Variants in PTPRN2 observed in about 807,000 individuals in gnomAD.
PTPRN2 encodes receptor-type tyrosine-protein phosphatase N2.
Under a neutral mutation model 118.8 loss-of-function variants are expected in PTPRN2, and 74 were observed. The observed-to-expected ratio is 0.62, with a 90% CI of 0.52 to 0.76. The LOEUF is 0.76. Ranked by LOEUF, PTPRN2 falls within the 30% of genes least tolerant of loss-of-function variation. The pLI is 0.00. For missense variants in PTPRN2, 1,481 were observed against 1,394.4 expected (o/e 1.06, Z -0.99); for synonymous variants, 641 against 608.0 (o/e 1.05, Z -0.80).
At chr7:158,199,362 C>T (rs1826454675) in intron 4 of PTPRN2, among the ~76,000 whole-genome samples, 1 of 152,232 alleles carries the variant, frequency 6.6e-6, no homozygotes, top group Non-Finnish European at 1.5e-5. Context: ...CACACTGCGT[C>T]TCTTTCTGGC....
At chr7:157,852,737 TG>T (rs1172518468) in intron 12 of PTPRN2, among the ~76,000 whole-genome samples, 2 of 151,494 alleles carry the variant, frequency 1.3e-5, no homozygotes, top group Non-Finnish European at 2.9e-5. Context: ...GGTGTGGTGG[TG>T]GGCGCCTGTA....
At chr7:158,502,541 G>T (rs891639593) in intron 1 of PTPRN2, among the ~76,000 whole-genome samples, 1 of 152,144 alleles carries the variant, frequency 6.6e-6, no homozygotes, top group Non-Finnish European at 1.5e-5. Context: ...CTGCTCCTCG[G>T]GACGCCTTCC....
intron 2 of PTPRN2, among the ~76,000 whole-genome samples, chr7:158,446,110 CA>C (rs1817709847): frequency 6.6e-6 from 1 of 152,190 alleles, no homozygotes; most frequent in South Asian, 2.1e-4. Flanking sequence ...CTGCCCCACC[CA>C]GCCCACCAAC....
chr7:157,976,728 A>C (rs1802782682), intron 11 of PTPRN2, among the ~76,000 whole-genome samples: 1 of 151,912 alleles, frequency 6.6e-6, no homozygotes, highest in Non-Finnish European at 1.5e-5. Flanking sequence ...CCTAGAGCAG[A>C]TAACTAAGGT....
intron 15 of PTPRN2, among the ~76,000 whole-genome samples, chr7:157,606,032 G>C (rs1801982204): frequency 6.6e-6 from 1 of 152,002 alleles, no homozygotes; most frequent in South Asian, 2.1e-4. Context: ...CTGCAGGCCA[G>C]AGCTGAGCTG....
rs929190777 is a variant in PTPRN2 at position 157,986,400 on chromosome 7, C to T, written c.1724-87663G>A. Among the ~76,000 whole-genome samples the T allele has an allele frequency of 2.6e-5, 4 of 152,144 alleles. No homozygotes were observed. Among genetic ancestry groups the T allele is most frequent in the Admixed American group, 1.3e-4 (2 of 15,280 alleles). Reference sequence around the variant, plus strand: ...TTCCTTGTAGACACGCAGAAACTGACGCCCAGAGAGGCAGGGCACCCCGTG... The same window carrying T: ...TTCCTTGTAGACACGCAGAAACTGATGCCCAGAGAGGCAGGGCACCCCGTG... On this transcript the variant is annotated intron_variant, in intron 11 of 22. Transcript: ENST00000389418. The surrounding 1 kb of genome is among the most constrained non-coding windows in gnomAD (Gnocchi z 4.5).
At chr7:158,313,205 T>C (rs998219347) in intron 3 of PTPRN2, among the ~76,000 whole-genome samples, 2 of 152,150 alleles carry the variant, frequency 1.3e-5, no homozygotes, top group African/African-American at 4.8e-5. Flanking sequence ...GAAGCCTGCA[T>C]CCTGGACTAG....
chr7:158,441,882 T>C (rs149779197), intron 2 of PTPRN2, among the ~76,000 whole-genome samples: 3 of 106,590 alleles, frequency 2.8e-5, no homozygotes, highest in Admixed American at 1.8e-4. Flanking sequence ...GTGGTGGTGA[T>C]AGTGATAGTG....
chr7:157,873,723 G>C (rs991477328), intron 12 of PTPRN2, among the ~76,000 whole-genome samples: 9 of 152,048 alleles, frequency 5.9e-5, no homozygotes, highest in Non-Finnish European at 1.3e-4. Flanking sequence ...TCCTCAAGCA[G>C]AATTTCCTGC....
intron 12 of PTPRN2, among the ~76,000 whole-genome samples, chr7:157,773,208 C>T (rs183060504): frequency 6.6e-6 from 1 of 152,280 alleles, no homozygotes; most frequent in Non-Finnish European, 1.5e-5. Flanking sequence ...CTTTTCTGAC[C>T]CCTCTCTCTT....
At chr7:157,805,358 G>T (rs1237930910) in intron 12 of PTPRN2, among the ~76,000 whole-genome samples, 1 of 151,554 alleles carries the variant, frequency 6.6e-6, no homozygotes, top group Non-Finnish European at 1.5e-5. Flanking sequence ...TGAAGAAAAG[G>T]GAAAAGATCG....
rs1175967241 is a variant in PTPRN2, at chr7:157,764,908, CATCCATCCATTG to C, written c.1789-81983_1789-81972del. ...TCATCCACCCATCCATCTACCCATC[CATCCATCCATTG>C]ATCCATCCATATCCATCCATCCATA... is the stretch of plus-strand genomic sequence containing the variant. On this transcript the variant is annotated intron_variant, in intron 12 of 22. Transcript: ENST00000389418. The surrounding 1 kb of genome is among the most constrained non-coding windows in gnomAD (Gnocchi z 4.5). Among the ~76,000 whole-genome samples the C allele has an allele frequency of 2.0e-5, 3 of 151,078 alleles. No individual in the cohort carries two copies. The highest frequency in any genetic ancestry group is 4.4e-5 in the Non-Finnish European group (3 of 67,756).
intron 3 of PTPRN2, among the ~76,000 whole-genome samples, chr7:158,244,431 G>A (rs1796068947): frequency 6.6e-6 from 1 of 152,230 alleles, no homozygotes; most frequent in African/African-American, 2.4e-5. Flanking sequence ...ACAGTGAGCT[G>A]TGTGTTTTGC....
intron 2 of PTPRN2, among the ~76,000 whole-genome samples, chr7:158,482,549 G>A (rs1453528359): frequency 2.0e-5 from 3 of 152,196 alleles, no homozygotes; most frequent in African/African-American, 4.8e-5. Flanking sequence ...ATGAAGGCCT[G>A]TACATTGTTT....
intron 2 of PTPRN2, among the ~76,000 whole-genome samples, chr7:158,443,170 G>A (rs977669501): frequency 3.1e-4 from 47 of 152,176 alleles, no homozygotes; most frequent in African/African-American, 1.1e-3. Context: ...GTCACTGGGC[G>A]AGCGGGTCTT....
At position 157,595,222 on chromosome 7, in the gene PTPRN2, A is replaced by T. The variant is rs1315098826; in HGVS notation, c.2496+16T>A. ...CTTCTTTTCAGAAAGAGAGATTTTA[A>T]TTTAAAAATGTTCACCTGCCAAAAG... On this transcript the variant is annotated intron_variant, in intron 17 of 22. Transcript: ENST00000389418. 3 of 1,612,486 alleles carry T rather than the reference A, an allele frequency of 1.9e-6. No individual in the cohort carries two copies. In the South Asian group the frequency reaches 3.3e-5, roughly 18 times the overall value.
intron 11 of PTPRN2, chr7:158,027,585 T>A (rs904661817): frequency 6.6e-6 from 1 of 152,250 alleles, no homozygotes; most frequent in African/African-American, 2.4e-5. Context: ...CCTGACACGA[T>A]GCTCCTTTTG....
At chr7:158,115,135 A>T (rs2335843) in intron 9 of PTPRN2, among the ~76,000 whole-genome samples, 146,960 of 152,186 alleles carry the variant, frequency 0.97, 71,008 homozygotes, top group Middle Eastern at 0.98. Context: ...CCTGTGAATA[A>T]CCACTGCATC....
chr7:158,171,262 TACACACATATATAC>T lies in PTPRN2; in HGVS notation c.550-3985_550-3972del, dbSNP rs1226449531. ...ATACACATATATACACACATATATA[TACACACATATATAC>T]ACACATATATATACACACATATATA... On this transcript the variant is annotated intron_variant, in intron 5 of 22. Transcript: ENST00000389418. Among the ~76,000 whole-genome samples the T allele has an allele frequency of 1.7e-3, 162 of 94,988 alleles. 5 individuals are homozygous for T. The highest frequency in any genetic ancestry group is 2.6e-3 in the Non-Finnish European group (128 of 48,994). 62.3% of individuals were successfully genotyped at this position (94,988 alleles called of 152,430 possible). A position where few individuals can be genotyped will look rare whatever the true frequency, so the allele number is the denominator to read the frequency against.
Sources: gnomAD v4.1 joint callset for allele counts (sites outside exome capture counted in the v4.1 genomes callset) on GRCh38, gnomAD v4.1.1 for gene constraint, Gnocchi (gnomAD v3.1) non-coding constraint, MANE v1.5 for transcripts, NCBI Gene and HGNC (gene_info 2026-07-23, HGNC 2026-07-21) for gene names.